Variants in CPEB3 observed in about 807,000 individuals in gnomAD.
CPEB3 encodes cytoplasmic polyadenylation element-binding protein 3.
In CPEB3, 20 loss-of-function variants were observed where a neutral mutation model predicts 67.2. The observed-to-expected ratio is 0.30, with a 90% CI of 0.21 to 0.43. The LOEUF (loss-of-function observed/expected upper bound fraction) is 0.43, where lower values mean the gene tolerates loss of function less well. Ranked by LOEUF, CPEB3 falls within the 20% of genes least tolerant of loss-of-function variation. The pLI is 1.00. For synonymous variants in CPEB3, 376 were observed against 393.1 expected (o/e 0.96, Z 0.51); for missense variants, 746 against 968.6 (o/e 0.77, Z 3.05).
chr10:92,278,895 A>G (rs1842126968), intron 1 of CPEB3, among the ~76,000 whole-genome samples: 1 of 151,838 alleles, frequency 6.6e-6, no homozygotes, highest in Non-Finnish European at 1.5e-5. Context: ...CACCACGCCC[A>G]GCCTCATGTA....
At chr10:92,237,261 G>A (rs546607677) in intron 2 of CPEB3, among the ~76,000 whole-genome samples, 18 of 152,238 alleles carry the variant, frequency 1.2e-4, no homozygotes, top group African/African-American at 4.3e-4. Flanking sequence ...TTATGAAAAA[G>A]AAATGAGACA....
intron 3 of CPEB3, among the ~76,000 whole-genome samples, chr10:92,184,823 A>G (rs1848616256): frequency 6.6e-6 from 1 of 152,194 alleles, no homozygotes; most frequent in African/African-American, 2.4e-5. Flanking sequence ...ACATAATGCA[A>G]AAAAATGGAG....
chr10:92,108,771 A>C (rs1410768422), intron 7 of CPEB3, among the ~76,000 whole-genome samples: 1 of 152,216 alleles, frequency 6.6e-6, no homozygotes, highest in Admixed American at 6.5e-5. Flanking sequence ...GTTTCCCCAT[A>C]AACATTTCCA....
intron 2 of CPEB3, among the ~76,000 whole-genome samples, chr10:92,206,585 C>T (rs1420039308): frequency 6.6e-6 from 1 of 151,970 alleles, no homozygotes; most frequent in Non-Finnish European, 1.5e-5. Flanking sequence ...TGGCTATTTT[C>T]TTTTTTTAAT....
At chr10:92,234,402 A>G (rs1851426041) in intron 2 of CPEB3, among the ~76,000 whole-genome samples, 1 of 152,176 alleles carries the variant, frequency 6.6e-6, no homozygotes, top group Non-Finnish European at 1.5e-5. Context: ...TTCTTTCTGC[A>G]TTTCTACAAA....
intron 6 of CPEB3, among the ~76,000 whole-genome samples, chr10:92,113,532 T>C (rs1350034313): frequency 6.6e-6 from 1 of 152,222 alleles, no homozygotes; most frequent in Non-Finnish European, 1.5e-5. Flanking sequence ...TTGAACACCC[T>C]GCAGTCAGAG....
At chr10:92,090,401 GTGTGGT>G (rs2133290931) in intron 8 of CPEB3, among the ~76,000 whole-genome samples, 1 of 152,264 alleles carries the variant, frequency 6.6e-6, no homozygotes, top group East Asian at 1.9e-4. Flanking sequence ...AATTAGCCAG[GTGTGGT>G]GGCACACACC....
chr10:92,280,583 A>G (rs530929357), intron 1 of CPEB3, among the ~76,000 whole-genome samples: 10 of 146,374 alleles, frequency 6.8e-5, no homozygotes, highest in Non-Finnish European at 1.5e-4. Flanking sequence ...TTAGCCAAGC[A>G]TGGCGGTACA....
At chr10:92,222,931 T>A (rs1850773186) in intron 2 of CPEB3, among the ~76,000 whole-genome samples, 1 of 152,254 alleles carries the variant, frequency 6.6e-6, no homozygotes. Context: ...TAAGACCTTA[T>A]TAATGATATC....
At chr10:92,255,017 G>A (rs535713490) in intron 1 of CPEB3, among the ~76,000 whole-genome samples, 26 of 152,028 alleles carry the variant, frequency 1.7e-4, no homozygotes, top group African/African-American at 6.3e-4. Context: ...TCTCTTGTCT[G>A]TAACTCCTAA....
chr10:92,216,316 T>C (rs1043960534), intron 2 of CPEB3: 71 of 1,581,332 alleles, frequency 4.5e-5, no homozygotes, highest in Non-Finnish European at 5.4e-5. Context: ...GGGACTAGGT[T>C]TCAGCGGCCG....
intron 7 of CPEB3, among the ~76,000 whole-genome samples, chr10:92,103,650 C>T (rs1844298544): frequency 6.6e-6 from 1 of 152,226 alleles, no homozygotes. Context: ...TTTCTCCACT[C>T]TTTATGCCTG....
At chr10:92,252,570 G>A (rs1852344171) in intron 1 of CPEB3, among the ~76,000 whole-genome samples, 1 of 151,854 alleles carries the variant, frequency 6.6e-6, no homozygotes, top group South Asian at 2.1e-4. Context: ...ATTTGTGAGG[G>A]ACTCATATAA....
At chr10:92,140,649 G>T (rs1846360435) in intron 6 of CPEB3, among the ~76,000 whole-genome samples, 1 of 147,096 alleles carries the variant, frequency 6.8e-6, no homozygotes, top group African/African-American at 2.5e-5. Context: ...TTAAACTAAA[G>T]AGCTTCTGCA....
At chr10:92,285,517 C>T (rs1349036727) in intron 1 of CPEB3, among the ~76,000 whole-genome samples, 7 of 152,116 alleles carry the variant, frequency 4.6e-5, no homozygotes, top group African/African-American at 9.7e-5. Context: ...GTGATTTGCC[C>T]GCCTCGGCAT....
intron 6 of CPEB3, among the ~76,000 whole-genome samples, chr10:92,120,656 C>A (rs570203567): frequency 6.6e-6 from 1 of 152,230 alleles, no homozygotes; most frequent in East Asian, 1.9e-4. Context: ...CTGGATATTT[C>A]TTGTTCTCAG....
chr10:92,181,967 C>A (rs1457491436), intron 3 of CPEB3, among the ~76,000 whole-genome samples: 1 of 151,266 alleles, frequency 6.6e-6, no homozygotes, highest in Non-Finnish European at 1.5e-5. Flanking sequence ...GGTAGATGTA[C>A]CAAAAGGAAA....
intron 7 of CPEB3, among the ~76,000 whole-genome samples, chr10:92,095,602 T>TATATATATATATATATATATA (rs10665210): frequency 1.4e-5 from 1 of 73,570 alleles, no homozygotes; most frequent in African/African-American, 6.4e-5. Context: ...ATATATATAT[T>TATATATATATATATATATATA]TTTTTTTTTT....
chr10:92,220,037 C>T (rs902751111), intron 2 of CPEB3, among the ~76,000 whole-genome samples: 7 of 151,996 alleles, frequency 4.6e-5, no homozygotes, highest in Non-Finnish European at 7.4e-5. Context: ...GCATGCCTGT[C>T]GTCCCAGCTA....
Sources: gnomAD v4.1 joint callset for allele counts (sites outside exome capture counted in the v4.1 genomes callset) on GRCh38, gnomAD v4.1.1 for gene constraint, MANE v1.5 for transcripts, NCBI Gene and HGNC (gene_info 2026-07-23, HGNC 2026-07-21) for gene names.